C4orf17: variants seen among roughly 807,000 people sequenced by gnomAD.
C4orf17 encodes chromosome 4 open reading frame 17.
C4orf17 carries 25 observed loss-of-function variants against 32.0 expected under a neutral mutation model. The ratio of observed to expected loss-of-function variants is 0.78; its 90% CI spans 0.57 to 1.09. C4orf17 has a LOEUF of 1.09. C4orf17 is among the 50% of genes least tolerant of loss of function. The probability of loss-of-function intolerance (pLI) is 0.00; values close to 1 mark genes in which losing one functional copy is unlikely to be tolerated. For missense variants in C4orf17, 420 were observed against 420.0 expected (o/e 1.00, Z 0.00); for synonymous variants, 149 against 145.8 (o/e 1.02, Z -0.16).
intron 5 of C4orf17, among the ~76,000 whole-genome samples, chr4:99,531,921 C>A (rs755643498): frequency 6.6e-6 from 1 of 152,054 alleles, no homozygotes; most frequent in Non-Finnish European, 1.5e-5. Context: ...GCTGTGAAAT[C>A]AGGAAATGTT....
intron 2 of C4orf17, among the ~76,000 whole-genome samples, chr4:99,514,114 T>C (rs1723139270): frequency 6.6e-6 from 1 of 152,080 alleles, no homozygotes; most frequent in African/African-American, 2.4e-5. Context: ...GCTGCCATAG[T>C]GAGCTCCAGC....
At chr4:99,537,995 G>C (rs1244204751) in intron 6 of C4orf17, among the ~76,000 whole-genome samples, 1 of 152,156 alleles carries the variant, frequency 6.6e-6, no homozygotes, top group African/African-American at 2.4e-5. Context: ...TGAAACACTT[G>C]TGTCCAAGGG....
chr4:99,525,270 C>T (rs968842882), intron 4 of C4orf17, among the ~76,000 whole-genome samples: 2 of 152,090 alleles, frequency 1.3e-5, no homozygotes, highest in Non-Finnish European at 2.9e-5. Context: ...AATGATTGTC[C>T]CATTTTACAT....
chr4:99,512,868 G>A (rs193260316), intron 1 of C4orf17, 121 bp from the exon 2 acceptor site: 16 of 510,516 alleles, frequency 3.1e-5, no homozygotes, highest in Non-Finnish European at 3.5e-6. Context: ...AAACAAAATA[G>A]CCTCACATTG....
chr4:99,516,977 T>C (rs1016590031), intron 2 of C4orf17, among the ~76,000 whole-genome samples: 2 of 151,092 alleles, frequency 1.3e-5, no homozygotes, highest in Non-Finnish European at 2.9e-5. Context: ...TTGGCTCAAG[T>C]AACTGGAAAG....
chr4:99,524,431 C>G (rs928500022), intron 3 of C4orf17, 90 bp from the exon 4 acceptor site: 1 of 640,160 alleles, frequency 1.6e-6, no homozygotes, highest in Non-Finnish European at 2.5e-6. Flanking sequence ...CAGAAACACT[C>G]TATCTATTTC....
chr4:99,535,993 G>T, intron 5 of C4orf17: 1 of 450,128 alleles, frequency 2.2e-6, no homozygotes, highest in Non-Finnish European at 4.4e-6. Context: ...GCTGCAGTTT[G>T]CTGGGGGTCT....
At chr4:99,533,710 G>A (rs923306051) in intron 5 of C4orf17, among the ~76,000 whole-genome samples, 1 of 152,166 alleles carries the variant, frequency 6.6e-6, no homozygotes, top group Admixed American at 6.5e-5. Flanking sequence ...GTGATTCTGA[G>A]ACCTGGTAAG....
intron 3 of C4orf17, 73 bp downstream of exon 3, chr4:99,522,782 T>C: frequency 2.6e-6 from 3 of 1,156,874 alleles, no homozygotes; most frequent in South Asian, 1.4e-5. Flanking sequence ...GTCTATATGA[T>C]GCTAAAATAG....
intron 2 of C4orf17, among the ~76,000 whole-genome samples, chr4:99,518,528 TATATATATATATATATAGAGAG>T (rs1560585503): frequency 4.6e-5 from 3 of 65,328 alleles, no homozygotes; most frequent in Non-Finnish European, 7.9e-5. Flanking sequence ...AATATATATA[TATATATATATATATATAGAGAG>T]AGAGAGAGAG....
intron 2 of C4orf17, among the ~76,000 whole-genome samples, chr4:99,517,871 T>C (rs1242632823): frequency 6.6e-6 from 1 of 152,196 alleles, no homozygotes; most frequent in Non-Finnish European, 1.5e-5. Flanking sequence ...AGGCATGGAA[T>C]GCCTCATGGG....
chr4:99,522,811 C>T (rs1723316850), intron 3 of C4orf17, 102 bp downstream of exon 3: 1 of 850,874 alleles, frequency 1.2e-6, no homozygotes, highest in African/African-American at 1.7e-5. Context: ...GTTTTTACAT[C>T]AAGTTTCCTC....
intron 3 of C4orf17, among the ~76,000 whole-genome samples, chr4:99,523,878 C>A (rs1723337804): frequency 6.7e-6 from 1 of 150,316 alleles, no homozygotes; most frequent in African/African-American, 2.5e-5. Context: ...ATCTTTCTGT[C>A]TAAAGGTCAA....
chr4:99,534,386 G>T (rs145760643), intron 5 of C4orf17, among the ~76,000 whole-genome samples: 52 of 152,220 alleles, frequency 3.4e-4, no homozygotes, highest in Middle Eastern at 3.4e-3. Context: ...ATCATTGATG[G>T]GCATTTAGGT....
chr4:99,539,848 G>A (rs1427436918), intron 7 of C4orf17, among the ~76,000 whole-genome samples: 1 of 150,886 alleles, frequency 6.6e-6, no homozygotes, highest in Non-Finnish European at 1.5e-5. Flanking sequence ...TTTACTCCTG[G>A]GGCCCCCTAG....
intron 2 of C4orf17, among the ~76,000 whole-genome samples, chr4:99,520,158 C>A (rs370230661): frequency 7.4e-5 from 11 of 148,866 alleles, no homozygotes; most frequent in East Asian, 2.0e-4. Flanking sequence ...GGTGCTATCT[C>A]GGCTCACTGC....
At chr4:99,537,888 A>G in intron 6 of C4orf17, 138 bp downstream of exon 6, 1 of 687,574 alleles carries the variant, frequency 1.5e-6, no homozygotes, top group South Asian at 1.6e-5. Context: ...TTTCAGTATC[A>G]GGGTGATTAC....
intron 2 of C4orf17, among the ~76,000 whole-genome samples, chr4:99,518,393 GA>G (rs1407160438): frequency 6.8e-6 from 1 of 147,932 alleles, no homozygotes; most frequent in Non-Finnish European, 1.5e-5. Context: ...GCTGAGATAG[GA>G]GGATCACCTG....
intron 2 of C4orf17, 80 bp downstream of exon 2, chr4:99,513,288 C>T (rs543413362): frequency 4.5e-5 from 69 of 1,526,690 alleles, no homozygotes; most frequent in African/African-American, 4.4e-4. Flanking sequence ...GTAAACACAA[C>T]GCTGCTATTC....
Sources: gnomAD v4.1 joint callset for allele counts (sites outside exome capture counted in the v4.1 genomes callset) on GRCh38, gnomAD v4.1.1 for gene constraint, MANE v1.5 for transcripts, NCBI Gene and HGNC (gene_info 2026-07-23, HGNC 2026-07-21) for gene names.